The following MYRIP variants were observed in gnomAD, a reference collection of about 807,000 sequenced individuals.
The protein encoded by MYRIP is rab effector MyRIP.
MYRIP carries 49 observed loss-of-function variants against 98.0 expected under a neutral mutation model. That is an observed-to-expected ratio of 0.50 (90% CI 0.40 to 0.63). The LOEUF (loss-of-function observed/expected upper bound fraction) is 0.63. MYRIP is among the 30% of genes least tolerant of loss of function. The pLI is 0.00. For missense variants in MYRIP, 1,004 were observed against 1,058.2 expected (o/e 0.95, Z 0.71); for synonymous variants, 404 against 409.5 (o/e 0.99, Z 0.16).
At chr3:40,062,277 G>A (rs1406056096) in intron 3 of MYRIP, among the ~76,000 whole-genome samples, 1 of 152,078 alleles carries the variant, frequency 6.6e-6, no homozygotes, top group Admixed American at 6.6e-5. Flanking sequence ...TTCATATATA[G>A]CGCAAGGAAG....
intron 2 of MYRIP, among the ~76,000 whole-genome samples, chr3:39,951,371 G>C (rs969487951): frequency 1.3e-5 from 2 of 152,068 alleles, no homozygotes; most frequent in Admixed American, 1.3e-4. Flanking sequence ...ATTCAGTTGG[G>C]AGTATTTTTT....
chr3:40,032,202 T>G (rs1239359065), intron 2 of MYRIP, among the ~76,000 whole-genome samples: 1 of 152,182 alleles, frequency 6.6e-6, no homozygotes, highest in African/African-American at 2.4e-5. Flanking sequence ...TTGTTCTCGT[T>G]GGTTTCAAAG....
intron 1 of MYRIP, among the ~76,000 whole-genome samples, chr3:39,815,691 A>AT (rs908192292): frequency 3.3e-5 from 5 of 151,888 alleles, no homozygotes; most frequent in African/African-American, 9.7e-5. Flanking sequence ...CTGTTTATAT[A>AT]TTTTTTCCTT....
rs187806777 is a variant in MYRIP, at chr3:39,862,767, T to G, written c.-30-38020T>G. Among the ~76,000 whole-genome samples the G allele has an allele frequency of 2.6e-5, 4 of 152,296 alleles. No individual in the cohort carries two copies. In the East Asian group the frequency reaches 7.7e-4, roughly 29 times the overall value. On this transcript the variant is annotated intron_variant, in intron 1 of 16. Transcript: ENST00000302541. ...TAATAAAGATATTTGGGACTTGAAC[T>G]TGACACTTGACCAAATGGACCTGAT...
In MYRIP at chr3:40,175,334, C is replaced by A. The variant is rs544205901; in HGVS notation, c.873+5241C>A. 2.0e-4 allele frequency among the ~76,000 whole-genome samples: 31 copies of A among 152,252 alleles called. No individual in the cohort carries two copies. The South Asian group carries it at 6.0e-3, about 30-fold the overall frequency. ...GTCCCCATTGGGCTTCAGCCATCTA[C>A]ATGTAACAGGACAAGCTGAGGTGAC... On this transcript the variant is annotated intron_variant, in intron 8 of 16. Transcript: ENST00000302541.
intron 16 of MYRIP, among the ~76,000 whole-genome samples, chr3:40,254,599 C>T (rs1953510719): frequency 6.6e-6 from 1 of 152,014 alleles, no homozygotes; most frequent in Non-Finnish European, 1.5e-5. Flanking sequence ...TAGGAATTTC[C>T]ATGTGGGCAA....
chr3:40,075,998 C>T (rs181549256), intron 3 of MYRIP, among the ~76,000 whole-genome samples: 1 of 152,182 alleles, frequency 6.6e-6, no homozygotes, highest in East Asian at 1.9e-4. Flanking sequence ...GAGTTCGAGA[C>T]CAGCCTGGCC....
At chr3:39,886,159 G>C (rs1321521674) in intron 1 of MYRIP, among the ~76,000 whole-genome samples, 3 of 151,434 alleles carry the variant, frequency 2.0e-5, no homozygotes, top group Non-Finnish European at 4.4e-5. Context: ...GTCACCACCA[G>C]GCCTGCCCTA....
chr3:39,979,635 T>A, intron 2 of MYRIP, among the ~76,000 whole-genome samples: 1 of 129,914 alleles, frequency 7.7e-6, no homozygotes, highest in African/African-American at 2.9e-5. Flanking sequence ...TGAAACTACA[T>A]CTCAAAAACC....
chr3:40,145,076 A>T (rs1304941946), intron 3 of MYRIP, among the ~76,000 whole-genome samples: 1 of 152,166 alleles, frequency 6.6e-6, no homozygotes, highest in African/African-American at 2.4e-5. Context: ...CAGCCTGATA[A>T]GTTGGTTATT....
At chr3:40,147,575 G>C (rs1950035564) in intron 3 of MYRIP, among the ~76,000 whole-genome samples, 2 of 151,998 alleles carry the variant, frequency 1.3e-5, no homozygotes, top group Admixed American at 1.3e-4. Context: ...TGTTATTCTT[G>C]GCTATAACAC....
intron 2 of MYRIP, among the ~76,000 whole-genome samples, chr3:39,949,522 G>T (rs1483092322): frequency 6.6e-6 from 1 of 152,096 alleles, no homozygotes; most frequent in Non-Finnish European, 1.5e-5. Context: ...AACATTTGCT[G>T]CATAAAATGC....
At chr3:40,198,610 T>C (rs1213792155) in intron 10 of MYRIP, among the ~76,000 whole-genome samples, 1 of 152,198 alleles carries the variant, frequency 6.6e-6, no homozygotes, top group East Asian at 1.9e-4. Context: ...CCAGATACCA[T>C]TTTGAAATGG....
intron 3 of MYRIP, among the ~76,000 whole-genome samples, chr3:40,100,988 G>GA (rs1207357199): frequency 2.0e-5 from 3 of 151,636 alleles, no homozygotes; most frequent in African/African-American, 4.8e-5. Context: ...TTATTGAAAA[G>GA]AAAAAAAAGC....
intron 1 of MYRIP, among the ~76,000 whole-genome samples, chr3:39,812,357 G>A (rs1473994043): frequency 6.6e-6 from 1 of 152,154 alleles, no homozygotes; most frequent in Non-Finnish European, 1.5e-5. Flanking sequence ...TGCAATCCAA[G>A]AGTAGTTATA....
intron 8 of MYRIP, among the ~76,000 whole-genome samples, chr3:40,172,235 A>G (rs1242486890): frequency 6.6e-6 from 1 of 152,202 alleles, no homozygotes; most frequent in Non-Finnish European, 1.5e-5. Flanking sequence ...ACACAGGGGT[A>G]TATATTTCAG....
chr3:39,878,303 G>A (rs1053691653), intron 1 of MYRIP, among the ~76,000 whole-genome samples: 6 of 152,204 alleles, frequency 3.9e-5, no homozygotes, highest in Non-Finnish European at 7.3e-5. Flanking sequence ...CTTCCCGAGT[G>A]AGGCAATGCC....
chr3:39,828,993 A>T (rs1467258546), intron 1 of MYRIP, among the ~76,000 whole-genome samples: 1 of 152,218 alleles, frequency 6.6e-6, no homozygotes, highest in Non-Finnish European at 1.5e-5. Context: ...GTCGATACCC[A>T]GTAGTGGGAT....
At chr3:40,071,906 G>A (rs1948238975) in intron 3 of MYRIP, among the ~76,000 whole-genome samples, 1 of 152,180 alleles carries the variant, frequency 6.6e-6, no homozygotes, top group South Asian at 2.1e-4. Context: ...CGAGGGAGCT[G>A]GCCGGTTCTC....
Sources: gnomAD v4.1 joint callset for allele counts (sites outside exome capture counted in the v4.1 genomes callset) on GRCh38, gnomAD v4.1.1 for gene constraint, MANE v1.5 for transcripts, NCBI Gene and HGNC (gene_info 2026-07-23, HGNC 2026-07-21) for gene names.